FAT1: variants seen among roughly 807,000 people sequenced by gnomAD.
FAT1 encodes the protein FAT atypical cadherin 1.
FAT1 carries 171 observed loss-of-function variants against 329.8 expected under a neutral mutation model. The observed-to-expected ratio is 0.52, with a 90% CI of 0.46 to 0.59. FAT1 has a LOEUF of 0.59. FAT1 is among the 20% of genes least tolerant of loss of function. The pLI is 0.00. For missense variants in FAT1, 5,672 were observed against 5,774.4 expected (o/e 0.98, Z 0.57); for synonymous variants, 2,233 against 2,228.6 (o/e 1.00, Z -0.06).
chr4:186,705,770 G>A (rs1744557421), intron 2 of FAT1, among the ~76,000 whole-genome samples: 1 of 152,156 alleles, frequency 6.6e-6, no homozygotes, highest in African/African-American at 2.4e-5. Flanking sequence ...TTGGACTGCT[G>A]CCTTGGAGGT....
rs556234150 is a variant in FAT1, at chr4:186,694,679, C to A, written c.3265+11884G>T. Among the ~76,000 whole-genome samples the A allele has an allele frequency of 3.3e-5, 5 of 152,226 alleles. No homozygotes were observed. The East Asian group carries it at 9.7e-4, about 29-fold the overall frequency. On this transcript the variant is annotated intron_variant, in intron 2 of 26. Coordinates refer to ENST00000441802, the MANE Select transcript of FAT1 (RefSeq NM_005245.4). ...TAACCAAGACACTTAAAATACAAAACAGGCTGGGTACAGTGGTTCACACCA... is the reference window on the plus strand; with the variant it reads ...TAACCAAGACACTTAAAATACAAAAAAGGCTGGGTACAGTGGTTCACACCA...
In FAT1 at chr4:186,609,574, G is replaced by A. The variant is rs571166262; in HGVS notation, c.10068+227C>T. ...TGGGACTACAGGCGCCCGCCACCAC[G>A]CCTGGCTAATTTTTTTTTGTATTTT... On this transcript the variant is annotated intron_variant, in intron 15 of 26. Transcript: ENST00000441802. Among the ~76,000 whole-genome samples, 53 of 152,026 alleles carry A rather than the reference G, an allele frequency of 3.5e-4. 1 individual carries two copies. Among genetic ancestry groups the A allele is most frequent in the African/African-American group, 1.1e-3 (47 of 41,476 alleles).
At chr4:186,725,200 T>C (rs1460743334), upstream of FAT1, among the ~76,000 whole-genome samples, 1 of 152,070 alleles carries the variant, frequency 6.6e-6, no homozygotes, top group Admixed American at 6.5e-5. This position sits in a 1 kb window ranked among gnomAD's most constrained non-coding sequence, Gnocchi z 5.4. Flanking sequence ...ATTTCATACA[T>C]GGAACACCTC....
At chr4:186,717,668 CCTAGT>C (rs748639704) in intron 1 of FAT1, among the ~76,000 whole-genome samples, 32 of 152,154 alleles carry the variant, frequency 2.1e-4, no homozygotes, top group Non-Finnish European at 4.4e-4. Flanking sequence ...CTATATAAAA[CCTAGT>C]TATCTACATG....
rs985071640 is a variant in FAT1 at position 186,639,023 on chromosome 4, C to T, written c.3642+699G>A. Among the ~76,000 whole-genome samples the T allele has an allele frequency of 8.0e-5, 12 of 149,554 alleles. 1 individual carries two copies. The highest frequency in any genetic ancestry group is 2.1e-4 in the African/African-American group (8 of 38,966). ...CCACCTTCCCTCTCCAAATTACTCG[C>T]GGCCTTTTTCTGCAATGTATTTACT... On this transcript the variant is annotated intron_variant, in intron 4 of 26. Coordinates refer to ENST00000441802, the MANE Select transcript of FAT1 (RefSeq NM_005245.4).
At chr4:186,642,338 A>AT (rs762506933) in intron 3 of FAT1, among the ~76,000 whole-genome samples, 1 of 152,168 alleles carries the variant, frequency 6.6e-6, no homozygotes, top group Non-Finnish European at 1.5e-5. Context: ...AAAGCCCCTC[A>AT]TTTAAAAATT....
At chr4:186,662,876 G>A (rs550174934) in intron 3 of FAT1, among the ~76,000 whole-genome samples, 53 of 151,088 alleles carry the variant, frequency 3.5e-4, no homozygotes, top group Non-Finnish European at 6.3e-4. Context: ...TCACTCTGTC[G>A]CCCAGGCTGG....
chr4:186,713,343 G>A (rs763130669), intron 1 of FAT1, among the ~76,000 whole-genome samples: 13 of 152,058 alleles, frequency 8.5e-5, no homozygotes, highest in African/African-American at 1.7e-4. Context: ...GGAATCTGAC[G>A]TTTCTCTCCT....
intron 2 of FAT1, among the ~76,000 whole-genome samples, chr4:186,688,662 CA>C (rs1407601234): frequency 6.8e-5 from 9 of 131,936 alleles, no homozygotes; most frequent in South Asian, 2.6e-4. Context: ...CGCCCCCCCC[CA>C]AAAAAACACA....
At chr4:186,640,977 A>T (rs1741064855) in intron 3 of FAT1, among the ~76,000 whole-genome samples, 1 of 152,180 alleles carries the variant, frequency 6.6e-6, no homozygotes, top group African/African-American at 2.4e-5. Context: ...TTTTTCTCAT[A>T]TGGAAATACC....
chr4:186,662,558 C>T (rs1742226481), intron 3 of FAT1, among the ~76,000 whole-genome samples: 1 of 152,124 alleles, frequency 6.6e-6, no homozygotes, highest in Non-Finnish European at 1.5e-5. Flanking sequence ...TTACCACCTG[C>T]AGATACAGCA....
intron 11 of FAT1, among the ~76,000 whole-genome samples, chr4:186,615,004 A>C (rs1486791851): frequency 6.6e-6 from 1 of 152,130 alleles, no homozygotes; most frequent in Non-Finnish European, 1.5e-5. Context: ...CTAAGACAAA[A>C]AGATTAAGAT....
chr4:186,602,925 G>C lies in FAT1; in HGVS notation c.11460C>G (p.Ser3820Arg). 1 of 1,613,850 alleles carries C rather than the reference G, an allele frequency of 6.2e-7. No homozygotes were observed. The change falls in exon 20 of 27, where the codon AGC becomes AGG. Residue 3820 changes from serine to arginine, a missense_variant. By Grantham distance (110) the Ser-to-Arg change is moderately radical (BLOSUM62 -1). Transcript: ENST00000441802. ...CACCTGGGCACTGACCAAACCTGCC[G>C]CTGGGACAGACACAGGTGTGTTTCT... ...WEEKHTCVCP[S>R]GRFGQCPGSS...
intron 4 of FAT1, 22 bp from the exon 5 acceptor site, chr4:186,636,936 A>G: frequency 1.3e-6 from 2 of 1,560,494 alleles, no homozygotes; most frequent in South Asian, 1.2e-5. Context: ...AAGTTAACAG[A>G]TTAACATGTT....
chr4:186,604,078 C>G, intron 18 of FAT1, 101 bp from the exon 19 acceptor site: 3 of 855,772 alleles, frequency 3.5e-6, no homozygotes. Context: ...AAATTACTAA[C>G]TGGTAGATAC....
chr4:186,690,718 C>T (rs1743718117), intron 2 of FAT1, among the ~76,000 whole-genome samples: 1 of 151,948 alleles, frequency 6.6e-6, no homozygotes. Flanking sequence ...AGCCCACTAT[C>T]CAAATTTAAA....
chr4:186,618,957 A>G lies in FAT1; in HGVS notation c.7629T>C (p.Asn2543=). ...NDFAKDRFYI[N]ERGQIFTLEK... ...CCAAAGTAAATATCTGTCCTCTCTC[A>G]TTTATGTAAAATCTGTCTTTGGCAA... Residue 2543 remains asparagine (N), a synonymous_variant, in exon 10 of 27, where the codon AAT becomes AAC. Coordinates refer to ENST00000441802, the MANE Select transcript of FAT1 (RefSeq NM_005245.4). 6.2e-7 allele frequency: 1 copy of G among 1,613,970 alleles called. No homozygotes were observed. The highest frequency in any genetic ancestry group is 8.5e-7 in the Non-Finnish European group (1 of 1,179,892).
rs200950081 is a variant in FAT1, at chr4:186,619,449, G to A, written c.7137C>T (p.Asp2379=). The change falls in exon 10 of 27, where the codon GAC becomes GAT. Residue 2379 remains aspartate (D), a synonymous_variant. Transcript: ENST00000441802. ...GTGGATTATCATTGAGGTCGGTAACGTCCACCGTGACAATCACATCACTGC... is the reference window on the plus strand; with the variant it reads ...GTGGATTATCATTGAGGTCGGTAACATCCACCGTGACAATCACATCACTGC... ...TLSSDVIVTV[D]VTDLNDNPPL... 2.7e-4 allele frequency: 435 copies of A among 1,613,930 alleles called. No homozygotes were observed. In the Middle Eastern group the frequency reaches 3.6e-3, roughly 13 times the overall value.
chr4:186,686,280 T>C (rs919756062), intron 2 of FAT1, among the ~76,000 whole-genome samples: 2 of 148,964 alleles, frequency 1.3e-5, no homozygotes, highest in African/African-American at 2.4e-5. Context: ...GCGATTTTTT[T>C]CCTGCATTCT....
Sources: gnomAD v4.1 joint callset for allele counts (sites outside exome capture counted in the v4.1 genomes callset) on GRCh38, gnomAD v4.1.1 for gene constraint, Gnocchi (gnomAD v3.1) non-coding constraint, MANE v1.5 for transcripts, NCBI Gene and HGNC (gene_info 2026-07-23, HGNC 2026-07-21) for gene names.